The following ALG12 variants were observed in gnomAD, a reference collection of about 807,000 sequenced individuals.
ALG12 encodes the protein dol-P-Man:Man(7)GlcNAc(2)-PP-Dol alpha-1,6-mannosyltransferase.
ALG12 carries 36 observed loss-of-function variants against 46.0 expected under a neutral mutation model. That is an observed-to-expected ratio of 0.78 (90% confidence interval 0.60 to 1.03). The LOEUF (loss-of-function observed/expected upper bound fraction) is 1.03. ALG12 is among the 50% of genes least tolerant of loss of function. The pLI is 0.00. For synonymous variants in ALG12, 326 were observed against 291.6 expected (o/e 1.12, Z -1.20); for missense variants, 599 against 633.5 (o/e 0.95, Z 0.58).
intron 7 of ALG12, 133 bp downstream of exon 7, chr22:49,907,588 C>G (rs2060549568): frequency 1.5e-5 from 15 of 1,027,032 alleles, no homozygotes; most frequent in Non-Finnish European, 1.9e-5. Context: ...TGCAGTAAGC[C>G]CCACTCCAGC....
rs1415608161 is a variant in ALG12, at chr22:49,904,503, C to G, written c.996G>C (p.Leu332=). 1 of 1,614,156 alleles carries G rather than the reference C, an allele frequency of 6.2e-7. No homozygotes were observed. The change falls in exon 8 of 10, where the codon CTG becomes CTC. Residue 332 remains leucine, a synonymous_variant. Transcript: ENST00000330817. ...ITAARGCSYL[L]NNYKKSWLYK... ...ACAGCCAAGACTTTTTATAGTTATT[C>G]AGCCTGAAAAAAGAATGGTTACACA...
In ALG12 at chr22:49,903,542, T is replaced by C. The variant is rs1416193805; in HGVS notation, c.*296A>G. 1.7e-6 allele frequency: 1 copy of C among 591,934 alleles called. No homozygotes were observed. Among genetic ancestry groups the C allele is most frequent in the Non-Finnish European group, 3.2e-6 (1 of 314,350 alleles). 36.7% of individuals were successfully genotyped at this position (591,934 alleles called of 1,614,324 possible). A position where few individuals can be genotyped will look rare whatever the true frequency, so the allele number is the denominator to read the frequency against. ...CCCGCTGCTCCTGATTAGTCATGAA[T>C]GGCACCTGGTCTGGGCGACAGTCAC... On this transcript the variant is annotated 3_prime_UTR_variant, in exon 10 of 10. Coordinates refer to ENST00000330817, the MANE Select transcript of ALG12 (RefSeq NM_024105.4).
intron 1 of ALG12, among the ~76,000 whole-genome samples, chr22:49,916,728 T>C (rs1399866721): frequency 6.6e-6 from 1 of 151,968 alleles, no homozygotes; most frequent in East Asian, 1.9e-4. Flanking sequence ...ACATGGGGGG[T>C]ACTGCTTGAG....
the ALG12 span, chr22:49,885,198 G>A: frequency 5.6e-6 from 9 of 1,613,964 alleles, no homozygotes; most frequent in Non-Finnish European, 7.6e-6. Flanking sequence ...TCGGGAGCCA[G>A]AAGGGCTTCC....
Position 49,901,815 on chromosome 22 carries a change from C to CTGTGTGTGGTATGTATGCATGGT in ALG12, c.*2022_*2023insACCATGCATACATACCACACACA, listed in dbSNP as rs2060509020. 1 of 71,358 alleles carries CTGTGTGTGGTATGTATGCATGGT rather than the reference C, an allele frequency of 1.4e-5. No homozygotes were observed. The highest frequency in any genetic ancestry group is 1.9e-4 in the African/African-American group (1 of 5,352). 4.4% of individuals were successfully genotyped at this position (71,358 alleles called of 1,614,324 possible). ...GTGGTATGTATGCATGGTGTGTGCA[C>CTGTGTGTGGTATGTATGCATGGT]GTGTGCACTGTGTGTATGCATGGTG... is the stretch of plus-strand genomic sequence containing the variant. On this transcript the variant is annotated 3_prime_UTR_variant, in exon 10 of 10. Coordinates refer to ENST00000330817, the MANE Select transcript of ALG12 (RefSeq NM_024105.4).
the ALG12 span, chr22:49,883,474 A>G: frequency 2.7e-6 from 2 of 742,808 alleles, no homozygotes; most frequent in Non-Finnish European, 4.0e-6. Flanking sequence ...GCAGTGATCT[A>G]TGCTGTAAGA....
the ALG12 span, among the ~76,000 whole-genome samples, chr22:49,865,404 CT>C: frequency 6.6e-6 from 1 of 152,060 alleles, no homozygotes; most frequent in Non-Finnish European, 1.5e-5. Context: ...AATCCCAGCA[CT>C]TCGGGGGCTA....
the ALG12 span, among the ~76,000 whole-genome samples, chr22:49,894,601 T>G: frequency 2.0e-5 from 3 of 152,194 alleles, no homozygotes; most frequent in African/African-American, 7.2e-5. Context: ...GTGGTGAGGT[T>G]AATGGGATGA....
rs1324817015 is a variant in ALG12, at chr22:49,903,352, G to A, written c.*486C>T. On this transcript the variant is annotated 3_prime_UTR_variant, in exon 10 of 10. Coordinates refer to ENST00000330817, the MANE Select transcript of ALG12 (RefSeq NM_024105.4). Reference sequence around the variant, plus strand: ...CAAAAGTTGCAGTGGTGGCACCAGGGTGGGGGGGTGCGGCCGGGGCCACCA... The same window carrying A: ...CAAAAGTTGCAGTGGTGGCACCAGGATGGGGGGGTGCGGCCGGGGCCACCA... 1 of 457,954 alleles carries A rather than the reference G, an allele frequency of 2.2e-6. No individual in the cohort carries two copies. Among genetic ancestry groups the A allele is most frequent in the Non-Finnish European group, 4.4e-6 (1 of 228,330 alleles). 28.4% of individuals were successfully genotyped at this position (457,954 alleles called of 1,614,324 possible). A position where few individuals can be genotyped will look rare whatever the true frequency, so the allele number is the denominator to read the frequency against.
chr22:49,868,744 G>A, the ALG12 span, among the ~76,000 whole-genome samples: 1 of 152,288 alleles, frequency 6.6e-6, no homozygotes, highest in African/African-American at 2.4e-5. Flanking sequence ...CTTCGTGCAT[G>A]TGTTGTAGGG....
At chr22:49,884,780 C>T in the ALG12 span, 2 of 1,606,912 alleles carry the variant, frequency 1.2e-6, no homozygotes, top group East Asian at 2.2e-5. Flanking sequence ...AGCTCTGTGT[C>T]CTCGTCTCCA....
Position 49,909,346 on chromosome 22 carries a change from T to C in ALG12, c.666A>G (p.Gly222=). ...HAVPAGILCL[G]LTVAVDSYFW... ...AATAAGAGTCCACAGCAACCGTCAG[T>C]CCTGACAAAATAAAATAGAGTTTCT... Residue 222 remains glycine (G), a splice_region_variant and synonymous_variant, in exon 6 of 10, where the codon GGA becomes GGG. Transcript: ENST00000330817. The C allele has an allele frequency of 1.2e-6, 2 of 1,614,126 alleles. No individual in the cohort carries two copies. The highest frequency in any genetic ancestry group is 1.7e-6 in the Non-Finnish European group (2 of 1,180,010).
chr22:49,905,170 T>C lies in ALG12; in HGVS notation c.993-664A>G, dbSNP rs928424764. Among the ~76,000 whole-genome samples the C allele has an allele frequency of 6.6e-6, 1 of 152,196 alleles. No homozygotes were observed. The highest frequency in any genetic ancestry group is 2.4e-5 in the African/African-American group (1 of 41,440). ...CCGCCGGTTCTCTCACAATCGACTA[T>C]GCCAATCTCAGGATCCTACGGCAGA... On this transcript the variant is annotated intron_variant, in intron 7 of 9. Coordinates refer to ENST00000330817, the MANE Select transcript of ALG12 (RefSeq NM_024105.4). The surrounding 1 kb of genome is among the most constrained non-coding windows in gnomAD (Gnocchi z 4.9).
At chr22:49,867,733 G>T in the ALG12 span, among the ~76,000 whole-genome samples, 2 of 147,498 alleles carry the variant, frequency 1.4e-5, no homozygotes, top group Admixed American at 1.3e-4. Context: ...TACCATCTAG[G>T]CCTTGTAATA....
the ALG12 span, among the ~76,000 whole-genome samples, chr22:49,882,033 A>G: frequency 6.6e-6 from 1 of 152,214 alleles, no homozygotes; most frequent in East Asian, 1.9e-4. Context: ...AGTATTATTA[A>G]TAGCTCCCTT....
chr22:49,904,945 G>C (rs1322934938), intron 7 of ALG12, among the ~76,000 whole-genome samples: 2 of 152,030 alleles, frequency 1.3e-5, no homozygotes, highest in Non-Finnish European at 2.9e-5. Flanking sequence ...TCACTATGTT[G>C]GCCAGGCTAG....
At chr22:49,861,512 C>T in the ALG12 span, among the ~76,000 whole-genome samples, 2 of 151,928 alleles carry the variant, frequency 1.3e-5, no homozygotes, top group South Asian at 4.2e-4. Context: ...TGGCTTACCG[C>T]AGCCTCGACC....
chr22:49,893,385 C>G, the ALG12 span, among the ~76,000 whole-genome samples: 5 of 152,138 alleles, frequency 3.3e-5, no homozygotes, highest in African/African-American at 1.2e-4. Context: ...TGCTGAAACC[C>G]AAAGAGAAAG....
the ALG12 span, chr22:49,885,730 C>T: frequency 6.2e-7 from 1 of 1,605,504 alleles, no homozygotes; most frequent in Non-Finnish European, 8.5e-7. Flanking sequence ...ATACTTGAAA[C>T]CTCAGTACTC....
Sources: gnomAD v4.1 joint callset for allele counts (sites outside exome capture counted in the v4.1 genomes callset) on GRCh38, gnomAD v4.1.1 for gene constraint, Gnocchi (gnomAD v3.1) non-coding constraint, MANE v1.5 for transcripts, NCBI Gene and HGNC (gene_info 2026-07-23, HGNC 2026-07-21) for gene names.